FBXL17: variants seen among roughly 807,000 people sequenced by gnomAD.
FBXL17 encodes the protein F-box/LRR-repeat protein 17.
Under a neutral mutation model 66.2 loss-of-function variants are expected in FBXL17, and 22 were observed. The observed-to-expected ratio is 0.33, with a 90% CI of 0.24 to 0.47. FBXL17 has a LOEUF of 0.47. Among genes scored for constraint, FBXL17 ranks in the 20% least tolerant of loss-of-function variants. FBXL17 has a pLI of 1.00. For synonymous variants in FBXL17, 474 were observed against 400.5 expected, an observed-to-expected ratio of 1.18 and a Z score of -2.19; for missense variants, 878 against 948.2, an observed-to-expected ratio of 0.93 and a Z score of 0.97.
At chr5:108,236,271 G>A (rs1224930798) in intron 4 of FBXL17, among the ~76,000 whole-genome samples, 2 of 151,516 alleles carry the variant, frequency 1.3e-5, no homozygotes, top group Non-Finnish European at 2.9e-5. Context: ...CAGCACTTTG[G>A]AAGGCCAAGG....
chr5:107,874,304 G>A (rs748247806), intron 8 of FBXL17, among the ~76,000 whole-genome samples: 10 of 152,136 alleles, frequency 6.6e-5, no homozygotes, highest in Non-Finnish European at 1.5e-4. Context: ...TTGGACAGGT[G>A]ATTAATATAC....
intron 5 of FBXL17, among the ~76,000 whole-genome samples, chr5:108,198,154 T>C (rs1753753409): frequency 6.6e-6 from 1 of 152,142 alleles, no homozygotes; most frequent in East Asian, 1.9e-4. Flanking sequence ...CTTCTCTCTG[T>C]AGAAGAGGTT....
intron 4 of FBXL17, among the ~76,000 whole-genome samples, chr5:108,288,410 C>T (rs1265037414): frequency 6.6e-6 from 1 of 151,492 alleles, no homozygotes; most frequent in African/African-American, 2.4e-5. Context: ...TGTAAGGTTG[C>T]CACAAATCTT....
At chr5:108,218,298 G>A (rs963567984) in intron 5 of FBXL17, among the ~76,000 whole-genome samples, 15 of 151,832 alleles carry the variant, frequency 9.9e-5, no homozygotes, top group Admixed American at 5.2e-4. Context: ...GTGAGCCACC[G>A]CGCCTGGCCA....
Position 108,009,294 on chromosome 5 carries a change from T to TAGATAG in FBXL17, c.1822+11630_1822+11631insCTATCT, listed in dbSNP as rs1451083581. Among the ~76,000 whole-genome samples the TAGATAG allele has an allele frequency of 2.0e-4, 14 of 68,494 alleles. 1 individual carries two copies. Among genetic ancestry groups the TAGATAG allele is most frequent in the African/African-American group, 8.7e-4 (12 of 13,740 alleles). The allele number at this position is 68,494 out of a possible 152,430, so 44.9% of individuals were successfully genotyped here. On this transcript the variant is annotated intron_variant, in intron 7 of 8. Transcript: ENST00000542267. ...ATATATATATATATATATATATATATATATATACATATATACATACACATA... is the reference window on the plus strand; with the variant it reads ...ATATATATATATATATATATATATATAGATAGATATATACATATATACATACACATA...
chr5:108,258,193 G>A (rs1026531888), intron 4 of FBXL17, among the ~76,000 whole-genome samples: 4 of 152,136 alleles, frequency 2.6e-5, no homozygotes, highest in Non-Finnish European at 5.9e-5. Context: ...CAACAGGGCC[G>A]TGGCTTTAGA....
intron 4 of FBXL17, chr5:108,299,385 A>G (rs747563796): frequency 1.4e-4 from 136 of 980,988 alleles, no homozygotes; most frequent in Non-Finnish European, 1.5e-4. Context: ...CTACGTTTTC[A>G]TATCAACACA....
At chr5:107,888,877 G>T (rs974758049) in intron 7 of FBXL17, among the ~76,000 whole-genome samples, 1 of 152,078 alleles carries the variant, frequency 6.6e-6, no homozygotes, top group Non-Finnish European at 1.5e-5. Context: ...GGGTCACATG[G>T]TAAGTGTTAC....
intron 7 of FBXL17, among the ~76,000 whole-genome samples, chr5:107,907,316 T>C (rs1049992445): frequency 5.3e-5 from 8 of 152,146 alleles, no homozygotes; most frequent in Non-Finnish European, 7.4e-5. Context: ...TCAGTCACAT[T>C]ACTTTATAAG....
intron 4 of FBXL17, among the ~76,000 whole-genome samples, chr5:108,283,394 A>G (rs978208413): frequency 6.6e-6 from 1 of 151,916 alleles, no homozygotes; most frequent in African/African-American, 2.4e-5. Context: ...ATAAAGCCAC[A>G]TATTTATATT....
At chr5:108,305,446 C>T (rs1758792286) in intron 4 of FBXL17, among the ~76,000 whole-genome samples, 2 of 151,992 alleles carry the variant, frequency 1.3e-5, no homozygotes, top group Middle Eastern at 3.4e-3. Context: ...AACAAACCTG[C>T]ACATCCTGCA....
chr5:107,877,825 G>A (rs1230012227), intron 8 of FBXL17, among the ~76,000 whole-genome samples: 1 of 152,120 alleles, frequency 6.6e-6, no homozygotes, highest in Non-Finnish European at 1.5e-5. Flanking sequence ...GGAGAAAAGT[G>A]ACAGGGCCAA....
rs1277986308 is a variant in FBXL17, at chr5:107,919,094, T to C, written c.1823-37915A>G. On this transcript the variant is annotated intron_variant, in intron 7 of 8. Coordinates refer to ENST00000542267, the MANE Select transcript of FBXL17 (RefSeq NM_001163315.3). ...AAAATATTACCAGTATCATGTTCTTTTTAAAGACAGATAAACAGATTACGC... is the reference window on the plus strand; with the variant it reads ...AAAATATTACCAGTATCATGTTCTTCTTAAAGACAGATAAACAGATTACGC... Among the ~76,000 whole-genome samples the C allele has an allele frequency of 2.0e-5, 3 of 152,186 alleles. No individual in the cohort carries two copies. In the East Asian group the frequency reaches 5.8e-4, roughly 29 times the overall value.
chr5:108,126,651 C>CTCTCTCTCTCTCTCTCTCTATATA, intron 6 of FBXL17, among the ~76,000 whole-genome samples: 1 of 108,056 alleles, frequency 9.3e-6, no homozygotes, highest in East Asian at 3.8e-4. Flanking sequence ...CTCTCTCTCT[C>CTCTCTCTCTCTCTCTCTCTATATA]TATATATATA....
intron 6 of FBXL17, among the ~76,000 whole-genome samples, chr5:108,105,396 T>C (rs1342542098): frequency 1.3e-5 from 2 of 152,192 alleles, no homozygotes; most frequent in East Asian, 1.9e-4. Flanking sequence ...CAGGCAAAAC[T>C]GCGGCAGAAA....
chr5:108,136,736 A>C (rs1448769560), intron 6 of FBXL17, among the ~76,000 whole-genome samples: 1 of 152,192 alleles, frequency 6.6e-6, no homozygotes, highest in Non-Finnish European at 1.5e-5. Flanking sequence ...TAATCCCAGA[A>C]ATTTCTGTGA....
intron 7 of FBXL17, among the ~76,000 whole-genome samples, chr5:107,887,479 C>T (rs894510574): frequency 1.3e-5 from 2 of 152,084 alleles, no homozygotes; most frequent in African/African-American, 4.8e-5. Context: ...AGAAGAAAAG[C>T]CCTAGTGCTT....
intron 6 of FBXL17, among the ~76,000 whole-genome samples, chr5:108,179,612 T>C (rs982540827): frequency 5.3e-5 from 8 of 152,130 alleles, no homozygotes; most frequent in Non-Finnish European, 1.0e-4. Context: ...AGTCCAACCC[T>C]CCTTATAATT....
intron 8 of FBXL17, among the ~76,000 whole-genome samples, chr5:107,866,634 C>T (rs1748285240): frequency 1.3e-5 from 2 of 152,114 alleles, no homozygotes; most frequent in African/African-American, 4.8e-5. Flanking sequence ...TAAACCCAGG[C>T]CTGACTTATC....
Sources: allele counts gnomAD v4.1 joint callset (sites outside exome capture counted in the v4.1 genomes callset), GRCh38; gene constraint gnomAD v4.1.1; transcripts MANE v1.5; gene names NCBI Gene and HGNC (gene_info 2026-07-23, HGNC 2026-07-21).